The following GABRG1 variants were observed in gnomAD, a reference collection of about 807,000 sequenced individuals.
GABRG1 encodes gamma-aminobutyric acid receptor subunit gamma-1.
In GABRG1, 49 loss-of-function variants were observed where a neutral mutation model predicts 49.8. The ratio of observed to expected loss-of-function variants is 0.98; its 90% CI spans 0.78 to 1.25. The LOEUF (loss-of-function observed/expected upper bound fraction) is 1.25. Among genes scored for constraint, GABRG1 ranks in the 50% most tolerant of loss-of-function variants. GABRG1 has a pLI of 0.00. For missense variants in GABRG1, 552 were observed against 552.3 expected (o/e 1.00, Z 0.01); for synonymous variants, 232 against 185.1 (o/e 1.25, Z -2.06).
At chr4:46,062,388 C>A (rs1028767955) in intron 5 of GABRG1, among the ~76,000 whole-genome samples, 25 of 152,152 alleles carry the variant, frequency 1.6e-4, no homozygotes, top group African/African-American at 6.0e-4. Context: ...TGGGTATATA[C>A]CCAGTAATGG....
rs1247876060 is a variant in GABRG1, at chr4:46,054,927, A to G, written c.917-3289T>C. On this transcript the variant is annotated intron_variant, in intron 7 of 8. Coordinates refer to ENST00000295452, the MANE Select transcript of GABRG1 (RefSeq NM_173536.4). Reference sequence around the variant, plus strand: ...AGAGAGGGCATCCCTGTCTTGTGCCAGTTTTCAAAGGGAATGCTTCCAGTT... The same window carrying G: ...AGAGAGGGCATCCCTGTCTTGTGCCGGTTTTCAAAGGGAATGCTTCCAGTT... Among the ~76,000 whole-genome samples, 62 of 79,892 alleles carry G rather than the reference A, an allele frequency of 7.8e-4. 2 individuals are homozygous for G. Among genetic ancestry groups the G allele is most frequent in the African/African-American group, 3.1e-3 (49 of 15,570 alleles). 52.4% of individuals were successfully genotyped at this position (79,892 alleles called of 152,430 possible).
intron 8 of GABRG1, among the ~76,000 whole-genome samples, chr4:46,049,533 T>A (rs1204410650): frequency 1.3e-5 from 2 of 151,994 alleles, no homozygotes; most frequent in Non-Finnish European, 2.9e-5. Flanking sequence ...TAACTGTTGC[T>A]ATTTGCCATT....
chr4:46,041,310 C>A lies in GABRG1; in HGVS notation c.1132-56G>T. ...TCAAAAAAGTAGCATAAGGAAAGAT[C>A]AATTTGCTCCTTTAACGCAAACTCT... On this transcript the variant is annotated intron_variant, in intron 8 of 8. Transcript: ENST00000295452. 3 of 1,557,074 alleles carry A rather than the reference C, an allele frequency of 1.9e-6. No individual in the cohort carries two copies. In the South Asian group the frequency reaches 3.5e-5, roughly 18 times the overall value.
At chr4:46,072,261 A>G (rs1253230359) in intron 3 of GABRG1, among the ~76,000 whole-genome samples, 1 of 152,074 alleles carries the variant, frequency 6.6e-6, no homozygotes, top group African/African-American at 2.4e-5. Context: ...TTGTGTAAAT[A>G]CATTCTGTGA....
intron 1 of GABRG1, among the ~76,000 whole-genome samples, chr4:46,102,335 A>G (rs1277745842): frequency 6.6e-6 from 1 of 151,668 alleles, no homozygotes; most frequent in Non-Finnish European, 1.5e-5. Flanking sequence ...ATATTAATTC[A>G]GATCCATTCC....
At chr4:46,112,793 T>C (rs1158807418) in intron 1 of GABRG1, among the ~76,000 whole-genome samples, 1 of 150,832 alleles carries the variant, frequency 6.6e-6, no homozygotes, top group Non-Finnish European at 1.5e-5. Flanking sequence ...GGCAAGGAGG[T>C]ATGAGGTAAG....
intron 5 of GABRG1, among the ~76,000 whole-genome samples, chr4:46,063,307 G>C (rs201668799): frequency 1.3e-5 from 2 of 150,878 alleles, no homozygotes; most frequent in African/African-American, 4.9e-5. Context: ...CATGGTACTG[G>C]TACCAAAACA....
intron 2 of GABRG1, among the ~76,000 whole-genome samples, chr4:46,087,737 T>C (rs1719833297): frequency 6.6e-6 from 1 of 151,926 alleles, no homozygotes; most frequent in Admixed American, 6.6e-5. Context: ...TTCCCTAGAC[T>C]ATACAGCAGA....
chr4:46,057,989 G>GA lies in GABRG1; in HGVS notation c.916+227dup, dbSNP rs538122719. On this transcript the variant is annotated intron_variant, in intron 7 of 8. Coordinates refer to ENST00000295452, the MANE Select transcript of GABRG1 (RefSeq NM_173536.4). ...ATGCTTCCCTTGGTCTTCATTAGCA[G>GA]AAAAAAGAAGGAATTTTCTGAAATT... Among the ~76,000 whole-genome samples, 1,245 of 152,028 alleles carry GA rather than the reference G, an allele frequency of 8.2e-3. 7 individuals carry two copies. Among genetic ancestry groups the GA allele is most frequent in the Non-Finnish European group, 9.2e-3 (626 of 67,934 alleles).
At chr4:46,086,825 T>G (rs1375317838) in intron 2 of GABRG1, among the ~76,000 whole-genome samples, 1 of 151,704 alleles carries the variant, frequency 6.6e-6, no homozygotes, top group African/African-American at 2.4e-5. Flanking sequence ...CTTGCCCATA[T>G]ACAGGTTTAT....
intron 1 of GABRG1, among the ~76,000 whole-genome samples, chr4:46,116,570 C>T (rs1189017119): frequency 6.6e-6 from 1 of 150,698 alleles, no homozygotes; most frequent in Non-Finnish European, 1.5e-5. Flanking sequence ...ATTCATACCT[C>T]TGAAGGCAGA....
chr4:46,037,539 G>A lies in GABRG1; in HGVS notation c.*3449C>T, dbSNP rs1379061511. ...GGTCAGAAATAAATGTTTCTAGTGA[G>A]ACAAGCAGTAAAGGCTTAAGAGTCT... is the stretch of plus-strand genomic sequence containing the variant. On this transcript the variant is annotated 3_prime_UTR_variant, in exon 9 of 9. Coordinates refer to ENST00000295452, the MANE Select transcript of GABRG1 (RefSeq NM_173536.4). The A allele has an allele frequency of 6.6e-6, 1 of 151,686 alleles. No individual in the cohort carries two copies. Among genetic ancestry groups the A allele is most frequent in the Non-Finnish European group, 1.5e-5 (1 of 67,818 alleles). The allele number at this position is 151,686 out of a possible 1,614,324, so 9.4% of individuals were successfully genotyped here. A position where few individuals can be genotyped will look rare whatever the true frequency, so the allele number is the denominator to read the frequency against.
At chr4:46,045,557 A>AT (rs958125631) in intron 8 of GABRG1, among the ~76,000 whole-genome samples, 6 of 151,262 alleles carry the variant, frequency 4.0e-5, no homozygotes, top group African/African-American at 9.7e-5. Context: ...ACTCCTTAAG[A>AT]TTTTTTTTTC....
chr4:46,117,547 T>C (rs930192099), intron 1 of GABRG1, among the ~76,000 whole-genome samples: 1 of 140,354 alleles, frequency 7.1e-6, no homozygotes, highest in Non-Finnish European at 1.6e-5. Flanking sequence ...TAATGTTATC[T>C]CTGTCTCTCT....
At chr4:46,109,996 T>C (rs1720669040) in intron 1 of GABRG1, among the ~76,000 whole-genome samples, 1 of 151,036 alleles carries the variant, frequency 6.6e-6, no homozygotes, top group Non-Finnish European at 1.5e-5. Context: ...CTCTGGTTGA[T>C]GGGAAGAGTG....
At chr4:46,112,556 T>C (rs1297854164) in intron 1 of GABRG1, among the ~76,000 whole-genome samples, 2 of 151,296 alleles carry the variant, frequency 1.3e-5, no homozygotes, top group Non-Finnish European at 3.0e-5. Flanking sequence ...GCAGCACTGT[T>C]CACAACAGCA....
chr4:46,118,273 TCTATCTAC>T (rs1279998769), intron 1 of GABRG1, among the ~76,000 whole-genome samples: 2 of 148,470 alleles, frequency 1.3e-5, no homozygotes, highest in African/African-American at 5.0e-5. Context: ...TATCTATCTA[TCTATCTAC>T]CTACCTATCT....
chr4:46,079,666 A>G (rs1719494712), intron 3 of GABRG1, among the ~76,000 whole-genome samples: 1 of 151,836 alleles, frequency 6.6e-6, no homozygotes, highest in South Asian at 2.1e-4. Context: ...CTACTTTTGT[A>G]CTTACTAATC....
At chr4:46,064,338 TCA>T (rs1718825041) in intron 5 of GABRG1, 101 bp downstream of exon 5, 1 of 626,272 alleles carries the variant, frequency 1.6e-6, no homozygotes, top group South Asian at 2.2e-5. Context: ...TGAACATAAC[TCA>T]CACTTTTGAA....
Sources: gnomAD v4.1 joint callset for allele counts (sites outside exome capture counted in the v4.1 genomes callset) on GRCh38, gnomAD v4.1.1 for gene constraint, MANE v1.5 for transcripts, NCBI Gene and HGNC (gene_info 2026-07-23, HGNC 2026-07-21) for gene names.